UGT1A5: variants seen among roughly 807,000 people sequenced by gnomAD.
The protein encoded by UGT1A5 is UDP glucuronosyltransferase family 1 member A5.
Under a neutral mutation model 40.3 loss-of-function variants are expected in UGT1A5, and 29 were observed. The observed-to-expected ratio is 0.72, with a 90% CI of 0.54 to 0.98. UGT1A5 has a LOEUF of 0.98. Among genes scored for constraint, UGT1A5 ranks in the 50% least tolerant of loss-of-function variants. UGT1A5 has a pLI of 0.00. For missense variants in UGT1A5, 678 were observed against 677.9 expected (o/e 1.00, Z 0.00); for synonymous variants, 257 against 262.5 (o/e 0.98, Z 0.20).
intron 2 of UGT1A5, 105 bp downstream of exon 2, chr2:233,767,270 C>T: frequency 6.3e-7 from 1 of 1,582,714 alleles, no homozygotes; most frequent in Non-Finnish European, 8.5e-7. Flanking sequence ...TTAGATTTGG[C>T]TTTTCCCTGC....
Position 233,713,020 on chromosome 2 carries a change from C to G in UGT1A5, c.29C>G (p.Pro10Arg), listed in dbSNP as rs143190267. The G allele has an allele frequency of 6.2e-7, 1 of 1,613,734 alleles. No individual in the cohort carries two copies. The highest frequency in any genetic ancestry group is 1.1e-5 in the South Asian group (1 of 91,042). The change falls in exon 1 of 5, where the codon CCG becomes CGG. Residue 10 changes from proline to arginine, a missense_variant. Transcript: ENST00000373414. ...GCCACAGGACTCCAGGTTCCCCTGC[C>G]GCAGCTGGCCACAGGACTGCTGCTT... MATGLQVPLPQLATGLLLLL... is the reference protein window; with the variant it reads MATGLQVPLRQLATGLLLLL...
chr2:233,739,790 G>A (rs1360143620), intron 1 of UGT1A5, among the ~76,000 whole-genome samples: 4 of 152,122 alleles, frequency 2.6e-5, no homozygotes, highest in Admixed American at 2.6e-4. Context: ...GACTTTGGAG[G>A]ACAGTTGGGA....
Position 233,713,156 on chromosome 2 carries a change from CCACCAGGTGGTGGT to C in UGT1A5, c.167_180del (p.His56ProfsTer30). ...CCTTGCGGGACCTCCATGCGAGAGGCCACCAGGTGGTGGTCCTCACCCTGGAGGTGAATATGTAC... is the reference window on the plus strand; with the variant it reads ...CCTTGCGGGACCTCCATGCGAGAGGCCCTCACCCTGGAGGTGAATATGTAC... On this transcript the variant is annotated frameshift_variant, in exon 1 of 5. Transcript: ENST00000373414. LOFTEE classifies it high-confidence loss of function. The C allele has an allele frequency of 1.2e-6, 2 of 1,614,194 alleles. No homozygotes were observed. Among genetic ancestry groups the C allele is most frequent in the Non-Finnish European group, 1.7e-6 (2 of 1,180,038 alleles).
At chr2:233,737,362 C>G (rs1215274347) in intron 1 of UGT1A5, among the ~76,000 whole-genome samples, 2 of 152,208 alleles carry the variant, frequency 1.3e-5, no homozygotes, top group East Asian at 3.9e-4. Context: ...AGCTGCTAAG[C>G]CAGGCAGGGG....
At chr2:233,741,065 C>T (rs978483126) in intron 1 of UGT1A5, among the ~76,000 whole-genome samples, 7 of 151,774 alleles carry the variant, frequency 4.6e-5, no homozygotes, top group African/African-American at 7.3e-5. Context: ...AGCTACAGAG[C>T]GAGACCCTGT....
At chr2:233,746,142 G>A (rs1693316730) in intron 1 of UGT1A5, among the ~76,000 whole-genome samples, 1 of 151,850 alleles carries the variant, frequency 6.6e-6, no homozygotes, top group Admixed American at 6.5e-5. Flanking sequence ...GCACCTGAGT[G>A]ATAGCATGAT....
rs759299238 is a variant in UGT1A5, at chr2:233,712,960, T to C, written c.-32T>C. ...CAATTCTAGGAGGCACAACGTGGGG[T>C]GGACAGTCAGCTGTCGGTGGCTTCT... is the stretch of plus-strand genomic sequence containing the variant. On this transcript the variant is annotated 5_prime_UTR_variant, in exon 1 of 5. Transcript: ENST00000373414. The C allele has an allele frequency of 6.2e-7, 1 of 1,612,820 alleles. No homozygotes were observed. Among genetic ancestry groups the C allele is most frequent in the Non-Finnish European group, 8.5e-7 (1 of 1,180,030 alleles).
rs1699273514 is a variant in UGT1A5, at chr2:233,766,902, T to A, written c.868-132T>A. Reference sequence around the variant, plus strand: ...CTGTAAAACTTACATATTAATAATTTTTTACTCTATCTCAAACACGCATGC... The same window carrying A: ...CTGTAAAACTTACATATTAATAATTATTTACTCTATCTCAAACACGCATGC... On this transcript the variant is annotated intron_variant, in intron 1 of 4. Coordinates refer to ENST00000373414, the MANE Select transcript of UGT1A5 (RefSeq NM_019078.2). 3.3e-6 allele frequency: 5 copies of A among 1,493,272 alleles called. No individual in the cohort carries two copies. The South Asian group carries it at 6.7e-5, about 20-fold the overall frequency. The allele number at this position is 1,493,272 out of a possible 1,614,324, so 92.5% of individuals were successfully genotyped here.
At chr2:233,743,013 C>T (rs1054809) in intron 1 of UGT1A5, 1 of 235,812 alleles carries the variant, frequency 4.2e-6, no homozygotes, top group Non-Finnish European at 8.4e-6. Context: ...TATTTTACAA[C>T]GATTGAAAGA....
chr2:233,769,603 GA>G lies in UGT1A5; in HGVS notation c.1307+1165del. 1 of 1,612,818 alleles carries G rather than the reference GA, an allele frequency of 6.2e-7. No individual in the cohort carries two copies. The highest frequency in any genetic ancestry group is 1.1e-5 in the South Asian group (1 of 91,040). On this transcript the variant is annotated intron_variant, in intron 4 of 4. Transcript: ENST00000373414. This position sits in a 1 kb window ranked among gnomAD's most constrained non-coding sequence, Gnocchi z 4.4. ...CAGATGAGAGGAGACGGAACACGGG[GA>G]CACACCAGCTTGAGCAAGGGACAAC...
intron 1 of UGT1A5, among the ~76,000 whole-genome samples, chr2:233,757,279 A>T (rs1159492481): frequency 7.8e-6 from 1 of 127,878 alleles, no homozygotes; most frequent in Admixed American, 8.4e-5. Context: ...GCAATGATTC[A>T]GAAGGGACAG....
intron 1 of UGT1A5, 44 bp from the exon 2 acceptor site, chr2:233,766,990 G>T: frequency 1.2e-6 from 2 of 1,613,182 alleles, no homozygotes; most frequent in Non-Finnish European, 8.5e-7. Context: ...AGTCATCAAA[G>T]AATATGAGAA....
intron 1 of UGT1A5, among the ~76,000 whole-genome samples, chr2:233,730,806 G>A (rs374048907): frequency 3.9e-5 from 6 of 152,118 alleles, no homozygotes; most frequent in Admixed American, 6.5e-5. Context: ...ATGGACATGC[G>A]TCCAAGAAGG....
At position 233,734,617 on chromosome 2, in the gene UGT1A5, T is replaced by G. The variant is rs143652933; in HGVS notation, c.867+20759T>G. On this transcript the variant is annotated intron_variant, in intron 1 of 4. Coordinates refer to ENST00000373414, the MANE Select transcript of UGT1A5 (RefSeq NM_019078.2). ...TTATTTGTGATGTTAGTGTGTTGATTTTAGATCTTTCCTGCTTTCTCCTGT... is the reference window on the plus strand; with the variant it reads ...TTATTTGTGATGTTAGTGTGTTGATGTTAGATCTTTCCTGCTTTCTCCTGT... 1.1e-4 allele frequency among the ~76,000 whole-genome samples: 16 copies of G among 152,330 alleles called. No individual in the cohort carries two copies. The East Asian group carries it at 1.3e-3, about 13-fold the overall frequency.
intron 1 of UGT1A5, chr2:233,760,872 G>C: frequency 6.2e-7 from 1 of 1,614,112 alleles, no homozygotes; most frequent in Non-Finnish European, 8.5e-7. Context: ...ACGTGCCCAG[G>C]CCTCTCTCCT....
intron 1 of UGT1A5, among the ~76,000 whole-genome samples, chr2:233,746,316 G>A (rs1048806578): frequency 1.3e-5 from 2 of 151,828 alleles, no homozygotes; most frequent in Non-Finnish European, 2.9e-5. Flanking sequence ...GGGCCCTGTA[G>A]ATGATCTACA....
chr2:233,733,971 G>A (rs927832512), intron 1 of UGT1A5, among the ~76,000 whole-genome samples: 7 of 152,028 alleles, frequency 4.6e-5, no homozygotes, highest in African/African-American at 7.3e-5. Flanking sequence ...TAGGGGGAGC[G>A]GGGAGGGATA....
intron 3 of UGT1A5, 57 bp downstream of exon 3, chr2:233,767,993 T>G (rs2126036231): frequency 1.2e-6 from 2 of 1,614,180 alleles, no homozygotes; most frequent in Admixed American, 3.3e-5. Flanking sequence ...AGAAAATGGC[T>G]TAAGCACAGC....
intron 1 of UGT1A5, chr2:233,755,137 T>A: frequency 7.6e-7 from 1 of 1,310,376 alleles, no homozygotes; most frequent in Non-Finnish European, 1.0e-6. Context: ...TGCTTGAATC[T>A]TCTCACCGCT....
Sources: gnomAD v4.1 joint callset for allele counts (sites outside exome capture counted in the v4.1 genomes callset) on GRCh38, gnomAD v4.1.1 for gene constraint, Gnocchi (gnomAD v3.1) non-coding constraint, MANE v1.5 for transcripts, NCBI Gene and HGNC (gene_info 2026-07-23, HGNC 2026-07-21) for gene names.